Variants in MAPK10 observed in about 807,000 individuals in gnomAD.
MAPK10 encodes the protein mitogen-activated protein kinase 10.
In MAPK10, 25 loss-of-function variants were observed where a neutral mutation model predicts 59.3. The observed-to-expected ratio is 0.42, with a 90% CI of 0.31 to 0.59. MAPK10 has a LOEUF of 0.59. MAPK10 is among the 20% of genes least tolerant of loss of function. MAPK10 has a pLI of 0.15. For missense variants in MAPK10, 351 were observed against 568.9 expected (o/e 0.62, Z 3.90); for synonymous variants, 190 against 200.5 (o/e 0.95, Z 0.44).
chr4:86,495,543 C>T (rs1433234958), intron 1 of MAPK10, among the ~76,000 whole-genome samples: 2 of 152,092 alleles, frequency 1.3e-5, no homozygotes, highest in Non-Finnish European at 2.9e-5. Context: ...AAAAATAATT[C>T]CTTAATAATA....
At chr4:86,469,565 T>C (rs1341421300) in intron 1 of MAPK10, among the ~76,000 whole-genome samples, 2 of 152,226 alleles carry the variant, frequency 1.3e-5, no homozygotes, top group African/African-American at 2.4e-5. Context: ...GATTTTCCAA[T>C]TGCCAATACT....
chr4:86,487,484 C>G (rs767399376), intron 1 of MAPK10, among the ~76,000 whole-genome samples: 17 of 151,944 alleles, frequency 1.1e-4, no homozygotes, highest in Non-Finnish European at 2.4e-4. Flanking sequence ...AATCCCAGCA[C>G]TTTGGGAGGC....
At chr4:86,106,970 A>G in intron 5 of MAPK10, 1 of 228,252 alleles carries the variant, frequency 4.4e-6, no homozygotes, top group Non-Finnish European at 8.5e-6. Context: ...ATAACCAAAT[A>G]TGGTAAATTT....
At chr4:86,086,721 A>G (rs1238078871) in intron 9 of MAPK10, among the ~76,000 whole-genome samples, 1 of 152,116 alleles carries the variant, frequency 6.6e-6, no homozygotes, top group East Asian at 1.9e-4. Flanking sequence ...CTCTATTTTA[A>G]TGTCTCTATT....
intron 3 of MAPK10, among the ~76,000 whole-genome samples, chr4:86,171,623 C>T (rs1429326612): frequency 6.6e-6 from 1 of 152,054 alleles, no homozygotes; most frequent in Non-Finnish European, 1.5e-5. Context: ...CCATAAAAAC[C>T]CTAGGAGAAA....
At position 86,064,319 on chromosome 4, in the gene MAPK10, C is replaced by T. The variant is rs775333978; in HGVS notation, c.1057G>A (p.Ala353Thr). 9 of 1,613,996 alleles carry T rather than the reference C, an allele frequency of 5.6e-6. No homozygotes were observed. The highest frequency in any genetic ancestry group is 6.8e-6 in the Non-Finnish European group (8 of 1,180,000). Residue 353 changes from alanine (A) to threonine (T), a missense_variant, in exon 11 of 14, where the codon GCC becomes ACC. This residue lies in a region of MAPK10 where 155 missense variants were observed against 204.2 expected (regional missense o/e 0.76). Transcript: ENST00000641462. ...DPAKRISVDD[A>T]LQHPYINVWY... The stretch of plus-strand genomic sequence containing the variant: ...ACGTTGATGTAGGGATGCTGTAAGG[C>T]GTCGTCCACTGATATTCTTTTTGCT...
chr4:86,022,866 A>G (rs192143578), intron 13 of MAPK10, among the ~76,000 whole-genome samples: 42 of 152,260 alleles, frequency 2.8e-4, no homozygotes, highest in African/African-American at 8.9e-4. Flanking sequence ...TGTATTTTCA[A>G]ATGTTTTTCC....
chr4:86,416,532 T>C (rs1445989232), intron 1 of MAPK10, among the ~76,000 whole-genome samples: 1 of 152,208 alleles, frequency 6.6e-6, no homozygotes, highest in African/African-American at 2.4e-5. Context: ...TTCCTATATC[T>C]CTCATCTGTC....
intron 11 of MAPK10, among the ~76,000 whole-genome samples, chr4:86,054,670 TTCC>T (rs1376219587): frequency 6.6e-5 from 10 of 152,316 alleles, no homozygotes; most frequent in Admixed American, 2.6e-4. Context: ...CTCATATTTC[TTCC>T]TCCTCATTTC....
rs538627076 is a variant in MAPK10, at chr4:86,269,904, C to A, written c.-6-75497G>T. The stretch of plus-strand genomic sequence containing the variant: ...TAGTAAAAAAGTTTTGATTAAAAGA[C>A]ATTTGTGCAGTGAGCAAGCATTTTA... On this transcript the variant is annotated intron_variant, in intron 2 of 13. Coordinates refer to ENST00000641462, the MANE Select transcript of MAPK10 (RefSeq NM_138982.4). 2.6e-5 allele frequency among the ~76,000 whole-genome samples: 4 copies of A among 152,140 alleles called. No individual in the cohort carries two copies. The South Asian group carries it at 8.3e-4, about 32-fold the overall frequency.
intron 4 of MAPK10, among the ~76,000 whole-genome samples, chr4:86,112,131 T>A (rs1242283631): frequency 7.9e-6 from 1 of 127,246 alleles, no homozygotes; most frequent in South Asian, 3.3e-4. Flanking sequence ...GTTAGTGGTC[T>A]ATTTTATTAA....
intron 1 of MAPK10, among the ~76,000 whole-genome samples, chr4:86,485,198 C>T (rs1198027068): frequency 2.0e-5 from 3 of 152,114 alleles, no homozygotes; most frequent in Admixed American, 1.3e-4. Flanking sequence ...CATTAGATCC[C>T]AGCATGAAGA....
chr4:86,451,926 A>G (rs1263473658), intron 1 of MAPK10, among the ~76,000 whole-genome samples: 1 of 152,186 alleles, frequency 6.6e-6, no homozygotes, highest in African/African-American at 2.4e-5. Flanking sequence ...ACAAAGATGG[A>G]AGAGAAATCG....
At chr4:86,489,423 GT>G (rs1337148663) in intron 1 of MAPK10, among the ~76,000 whole-genome samples, 6 of 152,044 alleles carry the variant, frequency 3.9e-5, no homozygotes, top group Non-Finnish European at 8.8e-5. Flanking sequence ...AAACTCATTT[GT>G]TTCATATGTT....
chr4:86,225,386 G>T (rs2090429884), intron 2 of MAPK10, among the ~76,000 whole-genome samples: 1 of 152,116 alleles, frequency 6.6e-6, no homozygotes, highest in Admixed American at 6.5e-5. Flanking sequence ...GAGCCTTCCT[G>T]GTAGACATGT....
chr4:86,178,945 A>C (rs902718055), intron 3 of MAPK10, among the ~76,000 whole-genome samples: 1 of 152,090 alleles, frequency 6.6e-6, no homozygotes, highest in Admixed American at 6.6e-5. Flanking sequence ...GCTCATGCTT[A>C]TAATCCCAGC....
intron 2 of MAPK10, among the ~76,000 whole-genome samples, chr4:86,279,322 C>CACTT (rs1235805964): frequency 6.6e-6 from 1 of 151,996 alleles, no homozygotes; most frequent in Non-Finnish European, 1.5e-5. Flanking sequence ...AGCCTCTGAT[C>CACTT]ACTTATCTTA....
chr4:86,279,802 A>T (rs1336530470), intron 2 of MAPK10, among the ~76,000 whole-genome samples: 2 of 152,138 alleles, frequency 1.3e-5, no homozygotes, highest in Admixed American at 1.3e-4. Flanking sequence ...CCAGCATTCT[A>T]GCCACACTCC....
At chr4:86,540,507 C>T (rs1758599749) in intron 1 of MAPK10, among the ~76,000 whole-genome samples, 1 of 151,644 alleles carries the variant, frequency 6.6e-6, no homozygotes, top group African/African-American at 2.4e-5. Context: ...CTCAAACAAA[C>T]AAAAAAACTG....
Sources: gnomAD v4.1 joint callset for allele counts (sites outside exome capture counted in the v4.1 genomes callset) on GRCh38, gnomAD v4.1.1 for gene constraint, gnomAD v4.1.1 regional missense constraint, MANE v1.5 for transcripts, NCBI Gene and HGNC (gene_info 2026-07-23, HGNC 2026-07-21) for gene names.